TACC2: variants seen among roughly 807,000 people sequenced by gnomAD.
The protein encoded by TACC2 is transforming acidic coiled-coil containing protein 2.
Under a neutral mutation model 227.3 loss-of-function variants are expected in TACC2, and 137 were observed. That is an observed-to-expected ratio of 0.60 (90% CI 0.52 to 0.69). The LOEUF (loss-of-function observed/expected upper bound fraction) is 0.69, where lower values mean the gene tolerates loss of function less well. TACC2 is among the 30% of genes least tolerant of loss of function. The pLI is 0.00. For missense variants in TACC2, 3,470 were observed against 3,694.4 expected (o/e 0.94, Z 1.57); for synonymous variants, 1,523 against 1,487.5 (o/e 1.02, Z -0.55).
intron 2 of TACC2, among the ~76,000 whole-genome samples, chr10:122,042,660 G>C (rs910865345): frequency 6.6e-6 from 1 of 152,130 alleles, no homozygotes; most frequent in South Asian, 2.1e-4. Context: ...CAATGTCTAC[G>C]TGGTCTAGCC....
At chr10:122,015,848 A>G (rs1956538788) in intron 1 of TACC2, among the ~76,000 whole-genome samples, 1 of 151,696 alleles carries the variant, frequency 6.6e-6, no homozygotes, top group Non-Finnish European at 1.5e-5. Flanking sequence ...CCCAGCAAAC[A>G]TCCTTTCCTC....
rs376809823 is a variant in TACC2, at chr10:122,087,566, C to T, written c.5066C>T (p.Ala1689Val). ...STPAPPTGEV[A>V]DTPLEPGKVA... is the part of the protein sequence containing the mutation. ...CCTGCACCACCAACTGGAGAAGTGG[C>T]AGACACTCCCCTGGAGCCTGGCAAG... The change falls in exon 4 of 23, where the codon GCA becomes GTA. Residue 1689 changes from alanine to valine, a missense_variant. Physicochemically the swap from Ala to Val is moderately conservative, Grantham distance 64. Coordinates refer to ENST00000369005, the MANE Select transcript of TACC2 (RefSeq NM_206862.4). The T allele has an allele frequency of 1.1e-4, 177 of 1,613,646 alleles. No individual in the cohort carries two copies. The highest frequency in any genetic ancestry group is 8.2e-4 in the Middle Eastern group (5 of 6,074).
intron 1 of TACC2, among the ~76,000 whole-genome samples, chr10:121,990,600 G>A (rs935034188): frequency 6.6e-6 from 1 of 152,022 alleles, no homozygotes; most frequent in Non-Finnish European, 1.5e-5. Context: ...GGTCTGCAGA[G>A]TCTTGTTTGG....
At chr10:122,153,030 C>G (rs1484485304) in intron 7 of TACC2, among the ~76,000 whole-genome samples, 1 of 122,464 alleles carries the variant, frequency 8.2e-6, no homozygotes, top group South Asian at 2.7e-4. Flanking sequence ...CTCACTTGCT[C>G]TGTCTCCCAG....
Position 122,084,752 on chromosome 10 carries a change from A to T in TACC2, c.2252A>T (p.Asp751Val). The change falls in exon 4 of 23, where the codon GAT becomes GTT. Residue 751 changes from aspartate to valine, a missense_variant. Transcript: ENST00000369005. ...GAAATAAGGAAGATGGGCAGCTGTGATGGGGAGGGCTTGCTGACGTCCCCA... is the reference window on the plus strand; with the variant it reads ...GAAATAAGGAAGATGGGCAGCTGTGTTGGGGAGGGCTTGCTGACGTCCCCA... ...TLEIRKMGSC[D>V]GEGLLTSPDQ... The T allele has an allele frequency of 6.2e-7, 1 of 1,613,622 alleles. No homozygotes were observed.
intron 3 of TACC2, among the ~76,000 whole-genome samples, chr10:122,080,584 C>T (rs1418515511): frequency 6.6e-6 from 1 of 152,170 alleles, no homozygotes; most frequent in African/African-American, 2.4e-5. Flanking sequence ...GGCCTCACTA[C>T]TATAACTTCA....
At chr10:122,072,563 G>T (rs1312747018) in intron 3 of TACC2, among the ~76,000 whole-genome samples, 1 of 152,134 alleles carries the variant, frequency 6.6e-6, no homozygotes, top group East Asian at 1.9e-4. Context: ...TGTTATCACT[G>T]TTAAGACATG....
intron 5 of TACC2, among the ~76,000 whole-genome samples, chr10:122,129,638 G>A (rs1039545865): frequency 2.0e-5 from 3 of 152,164 alleles, no homozygotes; most frequent in African/African-American, 7.2e-5. Flanking sequence ...TATGATTTTG[G>A]AAAGTGCCCC....
At chr10:122,133,448 C>T (rs1592406929) in intron 6 of TACC2, among the ~76,000 whole-genome samples, 1 of 152,322 alleles carries the variant, frequency 6.6e-6, no homozygotes, top group African/African-American at 2.4e-5. Flanking sequence ...TATAGGCACA[C>T]ATGGACATGT....
At chr10:122,179,960 C>T (rs2093910642) in intron 7 of TACC2, among the ~76,000 whole-genome samples, 1 of 151,800 alleles carries the variant, frequency 6.6e-6, no homozygotes, top group African/African-American at 2.4e-5. Flanking sequence ...GGCGTGTATC[C>T]ATGGTCCCAG....
intron 5 of TACC2, among the ~76,000 whole-genome samples, chr10:122,115,280 GT>G (rs61585140): frequency 8.5e-4 from 6 of 7,090 alleles, no homozygotes; most frequent in Admixed American, 1.9e-3. Flanking sequence ...GAGTGTGTGT[GT>G]GTGTGTGTGT....
chr10:122,092,293 A>T (rs1319420472), intron 5 of TACC2, among the ~76,000 whole-genome samples: 1 of 152,202 alleles, frequency 6.6e-6, no homozygotes, highest in African/African-American at 2.4e-5. Flanking sequence ...CAAGTTAAAA[A>T]TTTTGAGATT....
At chr10:122,030,043 T>C (rs908300896) in intron 2 of TACC2, among the ~76,000 whole-genome samples, 4 of 152,084 alleles carry the variant, frequency 2.6e-5, no homozygotes, top group Non-Finnish European at 2.9e-5. Context: ...AGGTCAGTGT[T>C]GCTGCAGAGT....
At position 122,117,651 on chromosome 10, in the gene TACC2, C is replaced by A. The variant is rs144271486; in HGVS notation, c.5574-14958C>A. 1.1e-4 allele frequency among the ~76,000 whole-genome samples: 17 copies of A among 152,272 alleles called. No individual in the cohort carries two copies. The East Asian group carries it at 3.3e-3, about 29-fold the overall frequency. ...GCTCATCTCAGGTTATTTACAGTCC[C>A]GCTAATTCTTGTCATTCTGTGGTTG... On this transcript the variant is annotated intron_variant, in intron 5 of 22. Transcript: ENST00000369005.
chr10:122,007,703 T>G (rs1288387167), intron 1 of TACC2, among the ~76,000 whole-genome samples: 1 of 152,222 alleles, frequency 6.6e-6, no homozygotes, highest in African/African-American at 2.4e-5. Flanking sequence ...TTCATAGAAC[T>G]CTAACTTTTC....
At chr10:122,161,625 G>C (rs766661636) in intron 7 of TACC2, among the ~76,000 whole-genome samples, 1 of 152,262 alleles carries the variant, frequency 6.6e-6, no homozygotes, top group Non-Finnish European at 1.5e-5. Flanking sequence ...TATCGCAGCA[G>C]AACCTTTACC....
At chr10:122,186,588 ACTGCAAC>A (rs753324169) in intron 7 of TACC2, among the ~76,000 whole-genome samples, 17,959 of 152,112 alleles carry the variant, frequency 0.12, 3,297 homozygotes, top group African/African-American at 0.39. Flanking sequence ...ATCTCTGCTC[ACTGCAAC>A]CTCTGCCTCT....
rs531267249 is a variant in TACC2, at chr10:122,113,741, A to C, written c.5574-18868A>C. On this transcript the variant is annotated intron_variant, in intron 5 of 22. Coordinates refer to ENST00000369005, the MANE Select transcript of TACC2 (RefSeq NM_206862.4). Reference sequence around the variant, plus strand: ...AAAACTCTGCGCTGGATTTCCTCCGAGTTTGGGACTTTTAAATTCTCGAAT... The same window carrying C: ...AAAACTCTGCGCTGGATTTCCTCCGCGTTTGGGACTTTTAAATTCTCGAAT... Among the ~76,000 whole-genome samples the C allele has an allele frequency of 2.0e-4, 30 of 152,286 alleles. No individual in the cohort carries two copies. The South Asian group carries it at 6.2e-3, about 32-fold the overall frequency.
At chr10:122,122,480 A>T (rs528338434) in intron 5 of TACC2, among the ~76,000 whole-genome samples, 7 of 142,100 alleles carry the variant, frequency 4.9e-5, no homozygotes, top group Admixed American at 4.0e-4. Flanking sequence ...GTATTTTTTT[A>T]AAAATAATTC....
Sources: allele counts gnomAD v4.1 joint callset (sites outside exome capture counted in the v4.1 genomes callset), GRCh38; gene constraint gnomAD v4.1.1; transcripts MANE v1.5; gene names NCBI Gene and HGNC (gene_info 2026-07-23, HGNC 2026-07-21).